HS3ST4: variants seen among roughly 807,000 people sequenced by gnomAD.
HS3ST4 encodes heparan sulfate glucosamine 3-O-sulfotransferase 4.
In HS3ST4, 17 loss-of-function variants were observed where a neutral mutation model predicts 29.2. The observed-to-expected ratio is 0.58, with a 90% CI of 0.40 to 0.87. The LOEUF is 0.87. Among genes scored for constraint, HS3ST4 ranks in the 40% least tolerant of loss-of-function variants. The pLI, the probability that HS3ST4 is intolerant of heterozygous loss-of-function variation, is 0.00. For missense variants in HS3ST4, 627 were observed against 634.5 expected (o/e 0.99, Z 0.13); for synonymous variants, 314 against 285.7 (o/e 1.10, Z -1.00).
intron 1 of HS3ST4, among the ~76,000 whole-genome samples, chr16:25,883,029 C>A (rs564091932): frequency 3.9e-5 from 6 of 152,184 alleles, no homozygotes; most frequent in Non-Finnish European, 8.8e-5. Flanking sequence ...CCCCTTTACC[C>A]TCCTCTCTGT....
At chr16:25,885,313 C>G (rs538488340) in intron 1 of HS3ST4, among the ~76,000 whole-genome samples, 1 of 152,164 alleles carries the variant, frequency 6.6e-6, no homozygotes, top group Non-Finnish European at 1.5e-5. Flanking sequence ...AGTGGTTTCT[C>G]AACTCTGCAA....
intron 1 of HS3ST4, among the ~76,000 whole-genome samples, chr16:25,817,271 T>C (rs537919606): frequency 1.3e-5 from 2 of 152,294 alleles, no homozygotes; most frequent in South Asian, 2.1e-4. Flanking sequence ...CGTATGTAAA[T>C]GCTTAGTTAA....
intron 1 of HS3ST4, among the ~76,000 whole-genome samples, chr16:25,831,140 C>T (rs890991095): frequency 2.0e-5 from 3 of 152,108 alleles, no homozygotes; most frequent in Non-Finnish European, 4.4e-5. Flanking sequence ...TAAGTTTTGC[C>T]TCAAATGTCA....
intron 1 of HS3ST4, chr16:26,032,928 G>A (rs1054664570): frequency 5.4e-5 from 43 of 794,110 alleles, no homozygotes; most frequent in Non-Finnish European, 8.9e-5. Flanking sequence ...CCGGAGGCGT[G>A]TTTTAAGACT....
chr16:26,093,100 G>A (rs9929093), intron 1 of HS3ST4, among the ~76,000 whole-genome samples: 82,152 of 152,014 alleles, frequency 0.54, 22,939 homozygotes, highest in African/African-American at 0.67. Context: ...CTTGAACAGG[G>A]AGGAGCCCAC....
At chr16:26,058,952 G>A (rs72780026) in intron 1 of HS3ST4, among the ~76,000 whole-genome samples, 2,275 of 152,268 alleles carry the variant, frequency 0.015, 27 homozygotes, top group Non-Finnish European at 0.023. Context: ...TCCAACCTGG[G>A]GGCTGGGAGG....
rs151325632 is a variant in HS3ST4 at position 25,955,188 on chromosome 16, T to C, written c.735-180424T>C. On this transcript the variant is annotated intron_variant, in intron 1 of 1. Transcript: ENST00000331351. ...CTGAACCTGTGACCAGAAAACCTTA[T>C]AGGTACCCTGGACCTCTGGTGCAGT... 5.0e-4 allele frequency among the ~76,000 whole-genome samples: 76 copies of C among 152,244 alleles called. No homozygotes were observed. The East Asian group carries it at 0.014, about 28-fold the overall frequency.
chr16:25,751,072 C>A (rs115968185), intron 1 of HS3ST4, among the ~76,000 whole-genome samples: 2 of 152,094 alleles, frequency 1.3e-5, no homozygotes, highest in Non-Finnish European at 2.9e-5. Context: ...CTCATAGATA[C>A]GTAAAGAATT....
chr16:25,801,614 A>G (rs1191581164), intron 1 of HS3ST4, among the ~76,000 whole-genome samples: 1 of 152,130 alleles, frequency 6.6e-6, no homozygotes, highest in Non-Finnish European at 1.5e-5. Context: ...TAGTGAGGAG[A>G]TGAATTATGT....
At chr16:25,870,947 C>T (rs1967745612) in intron 1 of HS3ST4, among the ~76,000 whole-genome samples, 1 of 152,142 alleles carries the variant, frequency 6.6e-6, no homozygotes. Flanking sequence ...AGAAAGGAGA[C>T]AAATGCTCTA....
chr16:25,825,163 A>G (rs1319299302), intron 1 of HS3ST4, among the ~76,000 whole-genome samples: 1 of 152,244 alleles, frequency 6.6e-6, no homozygotes, highest in Non-Finnish European at 1.5e-5. Flanking sequence ...GCACTGATGC[A>G]TCTACAAGTC....
intron 1 of HS3ST4, among the ~76,000 whole-genome samples, chr16:26,093,929 G>A (rs1334426514): frequency 1.3e-5 from 2 of 152,128 alleles, no homozygotes; most frequent in African/African-American, 4.8e-5. Context: ...ATGACCTGAT[G>A]GAGCTGAAAA....
intron 1 of HS3ST4, among the ~76,000 whole-genome samples, chr16:25,727,040 G>T (rs529145165): frequency 4.6e-5 from 7 of 151,968 alleles, no homozygotes; most frequent in Non-Finnish European, 1.0e-4. Context: ...GCTATCCATA[G>T]GTCTACTTAA....
intron 1 of HS3ST4, among the ~76,000 whole-genome samples, chr16:25,754,734 G>GA (rs1190405372): frequency 6.6e-6 from 1 of 152,038 alleles, no homozygotes; most frequent in Non-Finnish European, 1.5e-5. Context: ...ACAGGATGGG[G>GA]AAAACCACCC....
At chr16:26,007,604 G>A (rs1489933274) in intron 1 of HS3ST4, among the ~76,000 whole-genome samples, 3 of 152,232 alleles carry the variant, frequency 2.0e-5, no homozygotes, top group African/African-American at 4.8e-5. Flanking sequence ...CTCAGCTTCC[G>A]TTCAGTTACC....
At chr16:26,132,759 A>T (rs2141816972) in intron 1 of HS3ST4, among the ~76,000 whole-genome samples, 1 of 152,286 alleles carries the variant, frequency 6.6e-6, no homozygotes, top group Middle Eastern at 3.4e-3. Context: ...ACTAAAGAAA[A>T]ATGCAACAAA....
At chr16:25,933,565 C>A (rs1213232057) in intron 1 of HS3ST4, among the ~76,000 whole-genome samples, 4 of 152,134 alleles carry the variant, frequency 2.6e-5, no homozygotes, top group African/African-American at 9.7e-5. Flanking sequence ...TGTATTTTCT[C>A]CCCATTTACT....
chr16:25,713,250 C>T (rs1048580929), intron 1 of HS3ST4, among the ~76,000 whole-genome samples: 6 of 152,060 alleles, frequency 3.9e-5, no homozygotes, highest in African/African-American at 1.2e-4. Context: ...TCTCCAAGGT[C>T]AGGTGTGGTG....
rs1031527293 is a variant in HS3ST4, at chr16:25,946,179, A to G, written c.735-189433A>G. 2.0e-5 allele frequency among the ~76,000 whole-genome samples: 3 copies of G among 152,298 alleles called. No individual in the cohort carries two copies. The East Asian group carries it at 5.8e-4, about 29-fold the overall frequency. On this transcript the variant is annotated intron_variant, in intron 1 of 1. Transcript: ENST00000331351. The stretch of plus-strand genomic sequence containing the variant: ...TGTCGAGAGAGTTTGCAACATCCAG[A>G]TGTTTTCATCCTCTTCCAATTGCAG...
Sources: gnomAD v4.1 joint callset for allele counts (sites outside exome capture counted in the v4.1 genomes callset) on GRCh38, gnomAD v4.1.1 for gene constraint, MANE v1.5 for transcripts, NCBI Gene and HGNC (gene_info 2026-07-23, HGNC 2026-07-21) for gene names.